Variants in LOXL4 observed in about 807,000 individuals in gnomAD.
LOXL4 encodes lysyl oxidase homolog 4.
LOXL4 carries 72 observed loss-of-function variants against 89.1 expected under a neutral mutation model. The observed-to-expected ratio is 0.81, with a 90% confidence interval of 0.67 to 0.98. The LOEUF (loss-of-function observed/expected upper bound fraction) is 0.98. Among genes scored for constraint, LOXL4 ranks in the 50% least tolerant of loss-of-function variants. The pLI, the probability that LOXL4 is intolerant of heterozygous loss-of-function variation, is 0.00. For missense variants in LOXL4, 984 were observed against 1,017.5 expected (o/e 0.97, Z 0.45); for synonymous variants, 355 against 392.1 (o/e 0.91, Z 1.12).
Position 98,257,814 on chromosome 10 carries a change from G to C in LOXL4, c.1106-10C>G. 2 of 1,609,214 alleles carry C rather than the reference G, an allele frequency of 1.2e-6. No homozygotes were observed. Among genetic ancestry groups the C allele is most frequent in the South Asian group, 2.2e-5 (2 of 90,546 alleles). ...TGGATGGGCCCTAGCCCTAGATGGG[G>C]AGAGAGGTGCTGTGTGCGAGGCTCC... is the stretch of plus-strand genomic sequence containing the variant. On this transcript the variant is annotated splice_polypyrimidine_tract_variant and intron_variant, in intron 7 of 14. Coordinates refer to ENST00000260702, the MANE Select transcript of LOXL4 (RefSeq NM_032211.7).
chr10:98,259,480 C>A (rs182230307), intron 4 of LOXL4, 51 bp from the exon 5 acceptor site: 3 of 1,506,408 alleles, frequency 2.0e-6, no homozygotes, highest in Non-Finnish European at 2.8e-6. Flanking sequence ...GAAGTCCCAC[C>A]CCCTGCCACC....
intron 1 of LOXL4, among the ~76,000 whole-genome samples, 186 bp downstream of exon 1, chr10:98,267,946 G>A (rs1283961800): frequency 6.6e-6 from 1 of 152,174 alleles, no homozygotes. Context: ...GTGGTCACTT[G>A]TCCAGTTGGA....
At chr10:98,257,065 C>T in intron 8 of LOXL4, 118 bp from the exon 9 acceptor site, 1 of 1,209,296 alleles carries the variant, frequency 8.3e-7, no homozygotes, top group East Asian at 2.6e-5. Flanking sequence ...AGACAGTCCC[C>T]TTCTCTGCCT....
At chr10:98,262,007 C>T (rs763645068) in intron 3 of LOXL4, 28 bp downstream of exon 3, 1 of 1,576,168 alleles carries the variant, frequency 6.3e-7, no homozygotes, top group South Asian at 1.2e-5. Flanking sequence ...GCCCTTGGCT[C>T]AGACCAGAGC....
At chr10:98,262,650 G>A in intron 2 of LOXL4, 93 bp downstream of exon 2, 1 of 1,457,386 alleles carries the variant, frequency 6.9e-7, no homozygotes, top group Non-Finnish European at 9.4e-7. Context: ...CACATGAGCA[G>A]GGTATTAAAG....
intron 1 of LOXL4, among the ~76,000 whole-genome samples, chr10:98,263,330 C>T (rs185892881): frequency 2.6e-5 from 4 of 152,304 alleles, no homozygotes; most frequent in Admixed American, 2.6e-4. Context: ...TAGTAATCTC[C>T]ATCTCACGGT....
chr10:98,261,213 G>T, intron 3 of LOXL4, 86 bp from the exon 4 acceptor site: 1 of 1,444,100 alleles, frequency 6.9e-7, no homozygotes, highest in Non-Finnish European at 9.5e-7. Flanking sequence ...GAAAGGCTGG[G>T]GCTTGGAGCT....
chr10:98,251,630 C>T lies in LOXL4; in HGVS notation c.2024G>A (p.Arg675Gln), dbSNP rs199733612. The change falls in exon 13 of 15, where the codon CGG becomes CAG. Residue 675 changes from arginine to glutamine, a missense_variant. Coordinates refer to ENST00000260702, the MANE Select transcript of LOXL4 (RefSeq NM_032211.7). Reference protein sequence around the residue: ...GVTVGCWDTYRHDIDCQWVDI... With the variant: ...GVTVGCWDTYQHDIDCQWVDI... ...CACCCACTGGCAATCAATGTCATGC[C>T]GGTAGGTGTCCCAGCAGCCTACAGT... The T allele has an allele frequency of 1.0e-4, 161 of 1,614,100 alleles. 1 individual carries two copies. Among genetic ancestry groups the T allele is most frequent in the Middle Eastern group, 1.6e-4 (1 of 6,084 alleles).
rs758377444 is a variant in LOXL4 at position 98,253,792 on chromosome 10, T to C, written c.1596A>G (p.Ala532=). 6.2e-7 allele frequency: 1 copy of C among 1,613,788 alleles called. No homozygotes were observed. The highest frequency in any genetic ancestry group is 8.5e-7 in the Non-Finnish European group (1 of 1,180,004). Residue 532 remains alanine, a synonymous_variant, in exon 11 of 15, where the codon GCA becomes GCG. Transcript: ENST00000260702. The stretch of plus-strand genomic sequence containing the variant: ...GCTGGGCGTTCATCACCAGGTCTGG[T>C]GCACCTGGGGCGGCGGAGGGCATGG... ...FLAGVSCMDS[A]PDLVMNAQLV... is the part of the protein sequence containing the mutation.
At position 98,248,886 on chromosome 10, in the gene LOXL4, G is replaced by A. The variant is rs895979234; in HGVS notation, c.*35C>T. On this transcript the variant is annotated 3_prime_UTR_variant, in exon 15 of 15. Coordinates refer to ENST00000260702, the MANE Select transcript of LOXL4 (RefSeq NM_032211.7). The stretch of plus-strand genomic sequence containing the variant: ...GCTCCAATAAGCTGAGGTATCTGGT[G>A]TATCGGCAGCAGCTAGGAGTGTGCA... 10 of 1,577,810 alleles carry A rather than the reference G, an allele frequency of 6.3e-6. No individual in the cohort carries two copies. The highest frequency in any genetic ancestry group is 2.3e-5 in the South Asian group (2 of 88,362).
intron 8 of LOXL4, among the ~76,000 whole-genome samples, chr10:98,257,186 G>A (rs535622856): frequency 1.5e-4 from 23 of 152,312 alleles, no homozygotes; most frequent in African/African-American, 5.5e-4. Flanking sequence ...TCCTGCTCTG[G>A]CACTTGCCCT....
At chr10:98,249,431 T>G (rs1354047234) in intron 14 of LOXL4, among the ~76,000 whole-genome samples, 1 of 152,244 alleles carries the variant, frequency 6.6e-6, no homozygotes, top group Non-Finnish European at 1.5e-5. Context: ...GCAGTGATGG[T>G]CTGTGACTCC....
chr10:98,251,583 C>G lies in LOXL4; in HGVS notation c.2071G>C (p.Gly691Arg). 6 of 1,614,154 alleles carry G rather than the reference C, an allele frequency of 3.7e-6. No homozygotes were observed. The South Asian group carries it at 5.5e-5, about 15-fold the overall frequency. ...CGCCTTACCTGGAAGATATAATTCC[C>G]GGGGCCCACATCTGTGATATCCACC... ...QWVDITDVGP[G>R]NYIFQVIVNP... The change falls in exon 13 of 15, where the codon GGG (glycine) becomes CGG (arginine). Residue 691 changes from glycine (G) to arginine (R), a missense_variant. By Grantham distance (125) the Gly-to-Arg change is moderately radical (BLOSUM62 -2). Transcript: ENST00000260702.
chr10:98,264,208 C>T (rs139110599), intron 1 of LOXL4, among the ~76,000 whole-genome samples: 4 of 150,832 alleles, frequency 2.7e-5, no homozygotes, highest in African/African-American at 4.9e-5. Context: ...ATTAAGACAT[C>T]GAACACCCTC....
At chr10:98,260,469 G>A (rs1309639667) in intron 4 of LOXL4, among the ~76,000 whole-genome samples, 2 of 142,902 alleles carry the variant, frequency 1.4e-5, no homozygotes, top group Non-Finnish European at 3.1e-5. Context: ...GTTTTCACCG[G>A]GGGCGGGGGG....
chr10:98,252,053 A>G (rs1392410009), intron 12 of LOXL4: 2 of 481,556 alleles, frequency 4.2e-6, no homozygotes, highest in Admixed American at 3.8e-5. Context: ...GCAGACAGGA[A>G]GCAGGCAATG....
chr10:98,249,116 C>A, intron 14 of LOXL4, 125 bp from the exon 15 acceptor site: 2 of 710,286 alleles, frequency 2.8e-6, no homozygotes, highest in South Asian at 3.4e-5. Flanking sequence ...GGCACAGACA[C>A]CAATCATTTT....
Position 98,267,157 on chromosome 10 carries a change from A to C in LOXL4, c.-33+975T>G, listed in dbSNP as rs369956052. On this transcript the variant is annotated intron_variant, in intron 1 of 14. Coordinates refer to ENST00000260702, the MANE Select transcript of LOXL4 (RefSeq NM_032211.7). ...ACTTGCCCAGCCAGGATTCAAACCC[A>C]AGCAGCCTGGCTAGACGCCGGACTC... Among the ~76,000 whole-genome samples the C allele has an allele frequency of 3.3e-5, 5 of 152,280 alleles. No homozygotes were observed. The South Asian group carries it at 1.0e-3, about 32-fold the overall frequency.
intron 9 of LOXL4, 200 bp from the exon 10 acceptor site, chr10:98,255,939 A>C: frequency 1.9e-6 from 1 of 535,004 alleles, no homozygotes; most frequent in South Asian, 3.4e-5. Context: ...AATCCCCACC[A>C]CATATGGAGG....
Sources: allele counts gnomAD v4.1 joint callset (sites outside exome capture counted in the v4.1 genomes callset), GRCh38; gene constraint gnomAD v4.1.1; transcripts MANE v1.5; gene names NCBI Gene and HGNC (gene_info 2026-07-23, HGNC 2026-07-21).